Variants in CASC3 observed in about 807,000 individuals in gnomAD.
CASC3 encodes the protein protein CASC3.
Under a neutral mutation model 80.5 loss-of-function variants are expected in CASC3, and 30 were observed. The ratio of observed to expected loss-of-function variants is 0.37; its 90% CI spans 0.28 to 0.51. CASC3 has a LOEUF of 0.51. Ranked by LOEUF, CASC3 falls within the 20% of genes least tolerant of loss-of-function variation. CASC3 has a pLI of 0.94. For synonymous variants in CASC3, 312 were observed against 333.6 expected, an observed-to-expected ratio of 0.94 and a Z score of 0.70; for missense variants, 824 against 922.2, an observed-to-expected ratio of 0.89 and a Z score of 1.38.
At chr17:40,166,745 T>C in intron 7 of CASC3, 52 bp from the exon 8 acceptor site, 1 of 1,244,632 alleles carries the variant, frequency 8.0e-7, no homozygotes, top group Non-Finnish European at 1.1e-6. Flanking sequence ...TATCTTTGAG[T>C]CCCACTCACG....
chr17:40,169,741 G>GTTTT, intron 13 of CASC3, 79 bp downstream of exon 13: 1 of 109,552 alleles, frequency 9.1e-6, no homozygotes, highest in Non-Finnish European at 1.6e-5. Context: ...CTTAATTAAT[G>GTTTT]CTTTTTTTTT....
chr17:40,160,729 C>T (rs1260585134), intron 3 of CASC3, among the ~76,000 whole-genome samples: 1 of 151,954 alleles, frequency 6.6e-6, no homozygotes, highest in East Asian at 1.9e-4. Flanking sequence ...ACCTCCGCCT[C>T]CCGGCTAATT....
rs1205796778 is a variant in CASC3, at chr17:40,171,485, T to C, written c.*1080T>C. On this transcript the variant is annotated 3_prime_UTR_variant, in exon 14 of 14. Transcript: ENST00000264645. ...ACCCTGTCCTTTGCAATTGCTCTTC[T>C]CCACGTCTTTCCTGCTACAAGTGTT... 2 of 987,712 alleles carry C rather than the reference T, an allele frequency of 2.0e-6. No homozygotes were observed. Among genetic ancestry groups the C allele is most frequent in the African/African-American group, 3.5e-5 (2 of 57,256 alleles). 61.2% of individuals were successfully genotyped at this position (987,712 alleles called of 1,614,324 possible).
chr17:40,152,689 A>G (rs1989042188), intron 3 of CASC3, among the ~76,000 whole-genome samples: 1 of 151,558 alleles, frequency 6.6e-6, no homozygotes, highest in South Asian at 2.1e-4. Flanking sequence ...CTGGTCTTGA[A>G]CTCAGCTTCA....
chr17:40,160,435 C>T (rs1989264762), intron 3 of CASC3, among the ~76,000 whole-genome samples: 1 of 151,598 alleles, frequency 6.6e-6, no homozygotes, highest in African/African-American at 2.4e-5. Context: ...ATTGAGATTG[C>T]AGTAAGCCAT....
intron 5 of CASC3, 40 bp downstream of exon 5, chr17:40,162,193 T>G (rs1989320064): frequency 6.3e-7 from 1 of 1,590,086 alleles, no homozygotes; most frequent in Non-Finnish European, 8.6e-7. Flanking sequence ...AACATGTATT[T>G]TACACATGTA....
rs1989382291 is a variant in CASC3, at chr17:40,164,107, T to C, written c.1412T>C (p.Ile471Thr). Reference protein sequence around the residue: ...GLEQDVAQLNIAEQNWSPGQP... With the variant: ...GLEQDVAQLNTAEQNWSPGQP... ...GAGCAAGATGTGGCACAACTAAATA[T>C]AGCAGAACAGAATTGGAGTCCGGGG... The change falls in exon 7 of 14, where the codon ATA becomes ACA. Residue 471 changes from isoleucine to threonine, a missense_variant. Ile to Thr is a moderately conservative substitution (Grantham distance 89). Transcript: ENST00000264645. 7 of 1,613,458 alleles carry C rather than the reference T, an allele frequency of 4.3e-6. No individual in the cohort carries two copies. The highest frequency in any genetic ancestry group is 2.7e-5 in the African/African-American group (2 of 74,916).
At position 40,164,021 on chromosome 17, in the gene CASC3, AACTCCACCT is replaced by A; in HGVS notation, c.1330_1338del (p.Pro444_Thr446del). 3 of 1,613,966 alleles carry A rather than the reference AACTCCACCT, an allele frequency of 1.9e-6. No individual in the cohort carries two copies. ...CACCTCCAGTCCCAGAAACCACCCC[AACTCCACCT>A]ACTAAGACTGGGACCTGGGAAGCTC... On this transcript the variant is annotated inframe_deletion, in exon 7 of 14. Coordinates refer to ENST00000264645, the MANE Select transcript of CASC3 (RefSeq NM_007359.5).
intron 3 of CASC3, among the ~76,000 whole-genome samples, chr17:40,154,105 G>GTTTTT (rs548654217): frequency 1.7e-4 from 13 of 76,756 alleles, no homozygotes; most frequent in African/African-American, 4.9e-4. Context: ...GATGCTGAGC[G>GTTTTT]TTTTTTTTTT....
chr17:40,159,801 C>T (rs940916377), intron 3 of CASC3, among the ~76,000 whole-genome samples: 1 of 150,058 alleles, frequency 6.7e-6, no homozygotes, highest in African/African-American at 2.5e-5. Context: ...CTGCAACCTC[C>T]ACCTCCTGGG....
intron 3 of CASC3, among the ~76,000 whole-genome samples, chr17:40,142,403 C>T (rs1988741080): frequency 6.6e-6 from 1 of 152,174 alleles, no homozygotes. Flanking sequence ...GTACTGAATC[C>T]ATCTTAGGCA....
Position 40,163,707 on chromosome 17 carries a change from C to G in CASC3, c.1012C>G (p.Arg338Gly), listed in dbSNP as rs201645449. 1.9e-6 allele frequency: 3 copies of G among 1,614,080 alleles called. No homozygotes were observed. The highest frequency in any genetic ancestry group is 1.1e-5 in the South Asian group (1 of 91,082). The change falls in exon 7 of 14, where the codon CGG becomes GGG. Residue 338 changes from arginine to glycine, a missense_variant. Transcript: ENST00000264645. ...PVEAGGQHGG[R>G]SGETVKHEIS... ...GGAAGCTGGTGGGCAGCATGGTGGC[C>G]GGTCTGGTGAGACTGTTAAGCATGA...
intron 1 of CASC3, 64 bp downstream of exon 1, chr17:40,140,843 G>A: frequency 2.7e-6 from 3 of 1,101,730 alleles, no homozygotes; most frequent in Non-Finnish European, 3.8e-6. Context: ...GCGGGGTGTA[G>A]GTGATGCTAG....
At position 40,169,664 on chromosome 17, in the gene CASC3, T is replaced by A; in HGVS notation, c.*41+2T>A. The stretch of plus-strand genomic sequence containing the variant: ...TTTAAATCTTAACATCATATAAAAG[T>A]AAGTGCACAACTTACTGTGAATATT... On this transcript the variant is annotated splice_donor_variant, in intron 13 of 13. Coordinates refer to ENST00000264645, the MANE Select transcript of CASC3 (RefSeq NM_007359.5). LOFTEE classifies it low-confidence loss of function (3UTR_SPLICE). 6.7e-7 allele frequency: 1 copy of A among 1,485,676 alleles called. No individual in the cohort carries two copies. The highest frequency in any genetic ancestry group is 9.2e-7 in the Non-Finnish European group (1 of 1,091,790). 92.0% of individuals were successfully genotyped at this position (1,485,676 alleles called of 1,614,324 possible).
chr17:40,149,530 A>G (rs947344213), intron 3 of CASC3, among the ~76,000 whole-genome samples: 1 of 151,922 alleles, frequency 6.6e-6, no homozygotes, highest in Non-Finnish European at 1.5e-5. Flanking sequence ...AGAGTATCAA[A>G]TAAGGTCAAA....
intron 3 of CASC3, among the ~76,000 whole-genome samples, chr17:40,160,991 A>AT (rs1283201839): frequency 6.7e-6 from 1 of 150,328 alleles, no homozygotes; most frequent in African/African-American, 2.4e-5. Flanking sequence ...TATTATTACT[A>AT]TTTTTTGCGA....
Position 40,141,336 on chromosome 17 carries a change from A to C in CASC3, c.259+102A>C, listed in dbSNP as rs1156962359. ...CATTCTCACACACTGTCACGGATTT[A>C]GGGCCACAGAGTGCCTTTTTGTAAC... is the stretch of plus-strand genomic sequence containing the variant. On this transcript the variant is annotated intron_variant, in intron 2 of 13. Transcript: ENST00000264645. The C allele has an allele frequency of 1.0e-5, 12 of 1,150,820 alleles. No homozygotes were observed. The Admixed American group carries it at 2.1e-4, about 20-fold the overall frequency. 71.3% of individuals were successfully genotyped at this position (1,150,820 alleles called of 1,614,324 possible).
In CASC3 at chr17:40,169,531, G is replaced by A. The variant is rs1212976115; in HGVS notation, c.2089-67G>A. On this transcript the variant is annotated intron_variant, in intron 12 of 13. Transcript: ENST00000264645. ...CCAGAGGATTTCCCTCATTTTCTGG[G>A]TGTGTTTCTCTGGAAAACAGTCTTT... 8 of 1,578,612 alleles carry A rather than the reference G, an allele frequency of 5.1e-6. No individual in the cohort carries two copies. In the Admixed American group the frequency reaches 5.8e-5, roughly 11 times the overall value.
At position 40,170,919 on chromosome 17, in the gene CASC3, C is replaced by G. The variant is rs893191669; in HGVS notation, c.*514C>G. 3.0e-6 allele frequency: 3 copies of G among 985,556 alleles called. No individual in the cohort carries two copies. Among genetic ancestry groups the G allele is most frequent in the Non-Finnish European group, 3.6e-6 (3 of 829,936 alleles). 61.1% of individuals were successfully genotyped at this position (985,556 alleles called of 1,614,324 possible). On this transcript the variant is annotated 3_prime_UTR_variant, in exon 14 of 14. Transcript: ENST00000264645. ...CTAGTCTTCTGGTTTTCTAGCCCCT[C>G]TGGATTCCCTTTTGACTCTTCCGTG...
Sources: gnomAD v4.1 joint callset for allele counts (sites outside exome capture counted in the v4.1 genomes callset) on GRCh38, gnomAD v4.1.1 for gene constraint, MANE v1.5 for transcripts, NCBI Gene and HGNC (gene_info 2026-07-23, HGNC 2026-07-21) for gene names.